The following FSHR variants were observed in gnomAD, a reference collection of about 807,000 sequenced individuals.
FSHR encodes the protein follicle stimulating hormone receptor.
In FSHR, 46 loss-of-function variants were observed where a neutral mutation model predicts 52.1. The observed-to-expected ratio is 0.88, with a 90% CI of 0.70 to 1.13. FSHR has a LOEUF of 1.13. FSHR is among the 50% of genes most tolerant of loss of function. FSHR has a pLI of 0.00. For missense variants in FSHR, 964 were observed against 834.6 expected (o/e 1.16, Z -1.91); for synonymous variants, 399 against 309.6 (o/e 1.29, Z -3.03).
At position 49,055,828 on chromosome 2, in the gene FSHR, G is replaced by A. The variant is rs189383266; in HGVS notation, c.224+12391C>T. On this transcript the variant is annotated intron_variant, in intron 2 of 9. Coordinates refer to ENST00000406846, the MANE Select transcript of FSHR (RefSeq NM_000145.4). Reference sequence around the variant, plus strand: ...GCAAAGCTACATTTCAGAAATGAAGGAGAAATATAACATTTCATGGACAAG... The same window carrying A: ...GCAAAGCTACATTTCAGAAATGAAGAAGAAATATAACATTTCATGGACAAG... Among the ~76,000 whole-genome samples, 3 of 152,156 alleles carry A rather than the reference G, an allele frequency of 2.0e-5. No individual in the cohort carries two copies. In the East Asian group the frequency reaches 5.8e-4, roughly 29 times the overall value.
chr2:48,989,598 G>T (rs938272315), intron 5 of FSHR, among the ~76,000 whole-genome samples: 2 of 152,114 alleles, frequency 1.3e-5, no homozygotes, highest in Non-Finnish European at 2.9e-5. Context: ...TTCTTCTGAA[G>T]GTTTTCTTAA....
At position 48,963,194 on chromosome 2, in the gene FSHR, C is replaced by G. The variant is rs1674310452; in HGVS notation, c.1627G>C (p.Val543Leu). Residue 543 changes from valine (V) to leucine (L), a missense_variant, in exon 10 of 10, where the codon GTG becomes CTG. By Grantham distance (32) the Val-to-Leu change is conservative. Coordinates refer to ENST00000406846, the MANE Select transcript of FSHR (RefSeq NM_000145.4). ...SLLVLNVLAF[V>L]VICGCYIHIY... ...TGGATATAGCAGCCACAGATGACCA[C>G]AAAGGCCAGGACATTGAGCACAAGG... is the stretch of plus-strand genomic sequence containing the variant. 6.2e-7 allele frequency: 1 copy of G among 1,614,002 alleles called. No homozygotes were observed. The highest frequency in any genetic ancestry group is 1.1e-5 in the South Asian group (1 of 91,086).
rs772372769 is a variant in FSHR at position 49,116,008 on chromosome 2, C to T, written c.152+38258G>A. Among the ~76,000 whole-genome samples, 21 of 152,106 alleles carry T rather than the reference C, an allele frequency of 1.4e-4. 1 individual carries two copies. The highest frequency in any genetic ancestry group is 2.9e-4 in the Non-Finnish European group (20 of 68,024). ...ATCCTGCGTTTGATTCAGAATGAAACATGTCATCAGGGCAGAGAAGAGAGC... is the reference window on the plus strand; with the variant it reads ...ATCCTGCGTTTGATTCAGAATGAAATATGTCATCAGGGCAGAGAAGAGAGC... On this transcript the variant is annotated intron_variant, in intron 1 of 9. Transcript: ENST00000406846.
intron 2 of FSHR, among the ~76,000 whole-genome samples, chr2:49,055,249 C>G (rs565562110): frequency 2.0e-5 from 3 of 151,306 alleles, no homozygotes; most frequent in Admixed American, 2.0e-4. Flanking sequence ...ATAAAAGGAA[C>G]CAGCTGAGAG....
chr2:48,969,934 G>A (rs1674664478), intron 8 of FSHR, among the ~76,000 whole-genome samples: 1 of 152,176 alleles, frequency 6.6e-6, no homozygotes, highest in Non-Finnish European at 1.5e-5. Flanking sequence ...CCAACAGCTT[G>A]GCCGTGAGTG....
At chr2:49,071,250 A>C (rs909270569) in intron 1 of FSHR, among the ~76,000 whole-genome samples, 4 of 152,164 alleles carry the variant, frequency 2.6e-5, no homozygotes, top group African/African-American at 7.2e-5. Context: ...GGAAAACACA[A>C]ATCCACTTCC....
chr2:48,998,024 C>T (rs573548005), intron 4 of FSHR, among the ~76,000 whole-genome samples: 5 of 152,166 alleles, frequency 3.3e-5, no homozygotes, highest in South Asian at 2.1e-4. Context: ...TCTGTTTAGC[C>T]TCTGGCTCCT....
In FSHR at chr2:49,087,629, C is replaced by T. The variant is rs77747474; in HGVS notation, c.153-19339G>A. ...TGGAATGAAAACAGGATCAATCATGCATAAAGTAATAGAGGTAAAAAAGAA... is the reference window on the plus strand; with the variant it reads ...TGGAATGAAAACAGGATCAATCATGTATAAAGTAATAGAGGTAAAAAAGAA... On this transcript the variant is annotated intron_variant, in intron 1 of 9. Coordinates refer to ENST00000406846, the MANE Select transcript of FSHR (RefSeq NM_000145.4). 9.3e-3 allele frequency among the ~76,000 whole-genome samples: 1,414 copies of T among 152,172 alleles called. 22 individuals carry two copies. Among genetic ancestry groups the T allele is most frequent in the African/African-American group, 0.033 (1,361 of 41,514 alleles).
chr2:49,070,610 C>T (rs1456690788), intron 1 of FSHR, among the ~76,000 whole-genome samples: 1 of 152,086 alleles, frequency 6.6e-6, no homozygotes, highest in Non-Finnish European at 1.5e-5. Flanking sequence ...TCTTGAATAA[C>T]GAACTCTTCT....
intron 1 of FSHR, among the ~76,000 whole-genome samples, chr2:49,133,636 G>C (rs1672377196): frequency 6.6e-6 from 1 of 152,114 alleles, no homozygotes; most frequent in South Asian, 2.1e-4. Flanking sequence ...AAGGAACAAA[G>C]CTGGAGGCAT....
chr2:49,061,472 T>G (rs2104326331), intron 2 of FSHR, among the ~76,000 whole-genome samples: 1 of 149,792 alleles, frequency 6.7e-6, no homozygotes, highest in Non-Finnish European at 1.5e-5. Flanking sequence ...AGGGACATTA[T>G]ATAATGATAA....
chr2:48,968,562 A>T, intron 9 of FSHR, 136 bp downstream of exon 9: 1 of 1,002,764 alleles, frequency 1.0e-6, no homozygotes, highest in Non-Finnish European at 1.5e-6. Flanking sequence ...TGAATTTTTG[A>T]CCCAGAATGT....
intron 2 of FSHR, among the ~76,000 whole-genome samples, chr2:49,063,223 T>C (rs113746934): frequency 0.018 from 2,700 of 152,168 alleles, 64 homozygotes; most frequent in African/African-American, 0.056. Context: ...GAAAATCATA[T>C]TTTGGAAAAA....
intron 1 of FSHR, among the ~76,000 whole-genome samples, chr2:49,069,234 C>T (rs887443666): frequency 8.5e-5 from 13 of 152,126 alleles, no homozygotes; most frequent in Admixed American, 5.9e-4. Flanking sequence ...CTGGTCTTGC[C>T]GTGGTATCCT....
chr2:49,124,651 C>T (rs1178956623), intron 1 of FSHR, among the ~76,000 whole-genome samples: 6 of 152,112 alleles, frequency 3.9e-5, no homozygotes. Context: ...GTTGTCACAA[C>T]CTTCAAACTA....
chr2:49,038,993 T>G (rs1668391359), intron 2 of FSHR, among the ~76,000 whole-genome samples: 1 of 152,208 alleles, frequency 6.6e-6, no homozygotes, highest in Non-Finnish European at 1.5e-5. Context: ...AACGTGTGCA[T>G]ATGTGCTGGA....
rs1282124496 is a variant in FSHR, at chr2:48,964,291, C to A, written c.855-325G>T. On this transcript the variant is annotated intron_variant, in intron 9 of 9. Coordinates refer to ENST00000406846, the MANE Select transcript of FSHR (RefSeq NM_000145.4). ...TTACAGAGCTGGCATCAACTCGACC[C>A]TTTTCCTTCTCCCATCTTGATCCAG... is the stretch of plus-strand genomic sequence containing the variant. Among the ~76,000 whole-genome samples the A allele has an allele frequency of 6.6e-5, 10 of 152,284 alleles. No individual in the cohort carries two copies. In the East Asian group the frequency reaches 1.9e-3, roughly 29 times the overall value.
chr2:49,016,806 C>T lies in FSHR; in HGVS notation c.374+683G>A, dbSNP rs537490403. ...TATTATTTCCATTCTCTTGATGAAA[C>T]AATATGCGAGGTTAAGTCCATACCT... On this transcript the variant is annotated intron_variant, in intron 4 of 9. Coordinates refer to ENST00000406846, the MANE Select transcript of FSHR (RefSeq NM_000145.4). 3.5e-3 allele frequency among the ~76,000 whole-genome samples: 505 copies of T among 145,168 alleles called. 3 individuals carry two copies. The highest frequency in any genetic ancestry group is 5.5e-3 in the Non-Finnish European group (363 of 65,772).
chr2:49,101,429 T>C (rs1357812705), intron 1 of FSHR, among the ~76,000 whole-genome samples: 1 of 152,088 alleles, frequency 6.6e-6, no homozygotes, highest in Non-Finnish European at 1.5e-5. Context: ...AAGACTCTTG[T>C]CCACTGAGAC....
Sources: gnomAD v4.1 joint callset for allele counts (sites outside exome capture counted in the v4.1 genomes callset) on GRCh38, gnomAD v4.1.1 for gene constraint, MANE v1.5 for transcripts, NCBI Gene and HGNC (gene_info 2026-07-23, HGNC 2026-07-21) for gene names.